DLC1: variants seen among roughly 807,000 people sequenced by gnomAD.
The protein encoded by DLC1 is rho GTPase-activating protein 7.
In DLC1, 54 loss-of-function variants were observed where a neutral mutation model predicts 140.3. The ratio of observed to expected loss-of-function variants is 0.38; its 90% confidence interval spans 0.31 to 0.48. The LOEUF (loss-of-function observed/expected upper bound fraction) is 0.48, where lower values mean the gene tolerates loss of function less well. DLC1 is among the 20% of genes least tolerant of loss of function. The pLI is 0.96. For missense variants in DLC1, 2,536 were observed against 1,907.0 expected, an observed-to-expected ratio of 1.33 and a Z score of -6.14; for synonymous variants, 986 against 728.1, an observed-to-expected ratio of 1.35 and a Z score of -5.70.
chr8:13,411,860 A>AT (rs779865299), intron 2 of DLC1, among the ~76,000 whole-genome samples: 20 of 151,990 alleles, frequency 1.3e-4, no homozygotes, highest in South Asian at 6.2e-4. Flanking sequence ...CCCTCTTCAC[A>AT]TTTTTTTTAG....
chr8:13,437,812 C>G (rs1461997213), intron 2 of DLC1, among the ~76,000 whole-genome samples: 1 of 152,022 alleles, frequency 6.6e-6, no homozygotes, highest in South Asian at 2.1e-4. Context: ...CAAATTGATT[C>G]AAATAACAGA....
At chr8:13,538,347 T>C (rs575247174) in intron 1 of DLC1, among the ~76,000 whole-genome samples, 99 of 151,260 alleles carry the variant, frequency 6.5e-4, no homozygotes, top group African/African-American at 2.4e-3. Context: ...ACTCCCAAAA[T>C]AGTGGTGCCA....
intron 5 of DLC1, among the ~76,000 whole-genome samples, chr8:13,191,508 C>T (rs183525539): frequency 2.4e-4 from 37 of 151,610 alleles, no homozygotes; most frequent in Admixed American, 2.2e-3. Context: ...ACAACAACAA[C>T]AAACCCTTAA....
At chr8:13,502,906 T>C (rs1272755995) in intron 1 of DLC1, among the ~76,000 whole-genome samples, 1 of 152,224 alleles carries the variant, frequency 6.6e-6, no homozygotes, top group African/African-American at 2.4e-5. Context: ...TTTCACTTCT[T>C]AAATTCATGT....
chr8:13,356,089 C>CAAAAA (rs372991073), intron 4 of DLC1, among the ~76,000 whole-genome samples: 20 of 53,270 alleles, frequency 3.8e-4, no homozygotes, highest in Admixed American at 6.4e-4. Context: ...GACTCCATCT[C>CAAAAA]AAAAAAAAAA....
intron 5 of DLC1, among the ~76,000 whole-genome samples, chr8:13,240,829 A>G (rs1048735328): frequency 1.3e-5 from 2 of 152,222 alleles, no homozygotes; most frequent in African/African-American, 4.8e-5. Flanking sequence ...AATTAGAAAT[A>G]TCTTTGCTCC....
intron 5 of DLC1, among the ~76,000 whole-genome samples, chr8:13,150,311 A>G (rs920161928): frequency 3.9e-5 from 6 of 152,202 alleles, no homozygotes; most frequent in African/African-American, 1.4e-4. Flanking sequence ...AGCAGGCTTC[A>G]TTATTCCTTT....
intron 3 of DLC1, among the ~76,000 whole-genome samples, chr8:13,394,128 A>C (rs999423484): frequency 6.6e-6 from 1 of 152,172 alleles, no homozygotes; most frequent in Non-Finnish European, 1.5e-5. Flanking sequence ...GAGAGTTCTC[A>C]TTTCTTCTTA....
At chr8:13,470,779 T>C (rs988250911) in intron 2 of DLC1, among the ~76,000 whole-genome samples, 9 of 152,234 alleles carry the variant, frequency 5.9e-5, no homozygotes, top group Admixed American at 4.6e-4. Context: ...TCTGTATATA[T>C]ACAAAGGAAA....
Position 13,416,158 on chromosome 8 carries a change from C to G in DLC1, c.1024-14539G>C, listed in dbSNP as rs185208699. 2.0e-5 allele frequency among the ~76,000 whole-genome samples: 3 copies of G among 152,310 alleles called. No individual in the cohort carries two copies. In the East Asian group the frequency reaches 5.8e-4, roughly 29 times the overall value. Reference sequence around the variant, plus strand: ...TCTAGGGGTCCCATGTTATTCTTCTCTGGACTTATCACTTTGGTCCTGTTT... The same window carrying G: ...TCTAGGGGTCCCATGTTATTCTTCTGTGGACTTATCACTTTGGTCCTGTTT... On this transcript the variant is annotated intron_variant, in intron 2 of 17. Transcript: ENST00000276297.
chr8:13,305,412 C>T, intron 4 of DLC1, 110 bp from the exon 5 acceptor site: 2 of 1,139,192 alleles, frequency 1.8e-6, no homozygotes, highest in Non-Finnish European at 1.2e-6. Flanking sequence ...ATAGAGAATG[C>T]CAATAGAAAA....
intron 4 of DLC1, among the ~76,000 whole-genome samples, chr8:13,352,019 C>G (rs1047422879): frequency 6.6e-6 from 1 of 152,234 alleles, no homozygotes; most frequent in African/African-American, 2.4e-5. Flanking sequence ...CAGGCATGAG[C>G]CACGGTGCCC....
At chr8:13,559,678 T>C (rs989152631) in intron 1 of DLC1, among the ~76,000 whole-genome samples, 4 of 152,202 alleles carry the variant, frequency 2.6e-5, no homozygotes, top group Non-Finnish European at 5.9e-5. Context: ...TGTAGTAGTT[T>C]TCAGGAAAAT....
At chr8:13,519,474 C>A (rs773639547), upstream of DLC1, among the ~76,000 whole-genome samples, 147 of 152,118 alleles carry the variant, frequency 9.7e-4, 2 homozygotes, top group Non-Finnish European at 1.5e-3. Context: ...ACATCCAGAC[C>A]AAGAAAAACC....
intron 5 of DLC1, among the ~76,000 whole-genome samples, chr8:13,292,230 C>T (rs1483614723): frequency 6.6e-6 from 1 of 152,072 alleles, no homozygotes; most frequent in Non-Finnish European, 1.5e-5. Flanking sequence ...GAATGTGTCT[C>T]CACCCCACAG....
intron 5 of DLC1, among the ~76,000 whole-genome samples, chr8:13,254,511 A>G (rs563401933): frequency 1.3e-4 from 20 of 152,332 alleles, no homozygotes; most frequent in African/African-American, 4.8e-4. Context: ...CATGAATACA[A>G]TTGATGCCAT....
chr8:13,570,821 A>T (rs1442826513), intron 1 of DLC1, among the ~76,000 whole-genome samples: 1 of 152,102 alleles, frequency 6.6e-6, no homozygotes, highest in African/African-American at 2.4e-5. Context: ...AGTTGAAAGA[A>T]TATTAGAAAG....
chr8:13,127,060 G>A (rs1005835966), intron 5 of DLC1, among the ~76,000 whole-genome samples: 5 of 152,196 alleles, frequency 3.3e-5, no homozygotes, highest in Non-Finnish European at 7.3e-5. Flanking sequence ...CCTCAAAGAG[G>A]AAACACTATT....
chr8:13,183,615 C>T (rs1022253138), intron 5 of DLC1, among the ~76,000 whole-genome samples: 5 of 151,994 alleles, frequency 3.3e-5, no homozygotes, highest in Admixed American at 1.3e-4. Flanking sequence ...TGATGGATTA[C>T]GTTTATTGAT....
Sources: allele counts gnomAD v4.1 joint callset (sites outside exome capture counted in the v4.1 genomes callset), GRCh38; gene constraint gnomAD v4.1.1; transcripts MANE v1.5; gene names NCBI Gene and HGNC (gene_info 2026-07-23, HGNC 2026-07-21).